RAPGEF1: variants seen among roughly 807,000 people sequenced by gnomAD.
RAPGEF1 encodes Rap guanine nucleotide exchange factor 1, also known as CRK SH3-binding GNRP.
Under a neutral mutation model 143.3 loss-of-function variants are expected in RAPGEF1, and 33 were observed. The observed-to-expected ratio is 0.23, with a 90% CI of 0.17 to 0.31. RAPGEF1 has a LOEUF of 0.31. RAPGEF1 is among the 10% of genes least tolerant of loss of function. RAPGEF1 has a pLI of 1.00. For missense variants in RAPGEF1, 1,199 were observed against 1,645.4 expected, an observed-to-expected ratio of 0.73 and a Z score of 4.69; for synonymous variants, 629 against 676.5, an observed-to-expected ratio of 0.93 and a Z score of 1.09.
intron 1 of RAPGEF1, among the ~76,000 whole-genome samples, chr9:131,729,860 C>A (rs1164193148): frequency 6.6e-6 from 1 of 152,182 alleles, no homozygotes; most frequent in Non-Finnish European, 1.5e-5. Flanking sequence ...CTGCCATCAT[C>A]CTCATCTGGG....
At chr9:131,581,734 G>T (rs1951893894) in intron 25 of RAPGEF1, among the ~76,000 whole-genome samples, 1 of 152,142 alleles carries the variant, frequency 6.6e-6, no homozygotes, top group Admixed American at 6.5e-5. Context: ...ACAAGGTGTA[G>T]TAACTTAATA....
At chr9:131,729,883 C>T (rs905375865) in intron 1 of RAPGEF1, among the ~76,000 whole-genome samples, 5 of 152,192 alleles carry the variant, frequency 3.3e-5, no homozygotes, top group Non-Finnish European at 7.3e-5. Context: ...AAATCTTGGG[C>T]AACTCCATAC....
Position 131,739,950 on chromosome 9 carries a change from T to A in RAPGEF1, c.-120A>T. The A allele has an allele frequency of 6.0e-6, 3 of 504,116 alleles. No homozygotes were observed. Among genetic ancestry groups the A allele is most frequent in the Non-Finnish European group, 7.6e-6 (3 of 394,812 alleles). The allele number at this position is 504,116 out of a possible 1,614,324, so 31.2% of individuals were successfully genotyped here. A position where few individuals can be genotyped will look rare whatever the true frequency, so the allele number is the denominator to read the frequency against. On this transcript the variant is annotated 5_prime_UTR_variant, in exon 1 of 27. Coordinates refer to ENST00000683357, the MANE Select transcript of RAPGEF1 (RefSeq NM_001377935.1). The stretch of plus-strand genomic sequence containing the variant: ...GGCGGGCTCCGCGCGGCCGCGGCCC[T>A]GCGCTCGGCGACCGCGCTCCAGCCC...
chr9:131,638,858 G>A, intron 4 of RAPGEF1, 67 bp from the exon 5 acceptor site: 1 of 1,480,482 alleles, frequency 6.8e-7, no homozygotes, highest in Admixed American at 2.0e-5. Context: ...CACAGAGCCA[G>A]CTTCTCGGTG....
chr9:131,616,975 G>C (rs1959105605), intron 12 of RAPGEF1, among the ~76,000 whole-genome samples: 1 of 152,118 alleles, frequency 6.6e-6, no homozygotes, highest in Non-Finnish European at 1.5e-5. Context: ...CCTTCCCTCA[G>C]GCTCCTTGGT....
At chr9:131,581,646 G>A (rs550401658) in intron 25 of RAPGEF1, among the ~76,000 whole-genome samples, 3 of 152,290 alleles carry the variant, frequency 2.0e-5, no homozygotes, top group Admixed American at 1.3e-4. Context: ...AGATTGCAGT[G>A]AGCCAAGATC....
chr9:131,730,734 T>TTAGAAAGGG (rs1234232807), intron 1 of RAPGEF1, among the ~76,000 whole-genome samples: 72 of 129,588 alleles, frequency 5.6e-4, no homozygotes, highest in African/African-American at 1.8e-3. Context: ...AGAACCAGCA[T>TTAGAAAGGG]TAGAAAGGGC....
chr9:131,586,259 C>CACACACAA (rs1952751687), intron 22 of RAPGEF1, among the ~76,000 whole-genome samples: 1 of 69,612 alleles, frequency 1.4e-5, no homozygotes, highest in Non-Finnish European at 3.8e-5. Flanking sequence ...CTGTCTCAAA[C>CACACACAA]ACACACACAC....
At chr9:131,699,036 C>T (rs1834421455) in intron 1 of RAPGEF1, among the ~76,000 whole-genome samples, 1 of 152,182 alleles carries the variant, frequency 6.6e-6, no homozygotes, top group African/African-American at 2.4e-5. Context: ...TCCATCTCTA[C>T]CAGGTCATTC....
rs1023743145 is a variant in RAPGEF1 at position 131,640,421 on chromosome 9, G to C, written c.495-1630C>G. Among the ~76,000 whole-genome samples the C allele has an allele frequency of 5.9e-5, 9 of 152,226 alleles. 1 individual carries two copies. Among genetic ancestry groups the C allele is most frequent in the African/African-American group, 1.9e-4 (8 of 41,460 alleles). ...CTGCATTGGATGCTAACGTTTCCCG[G>C]AAGGTGCTGGAATTATGTCCAGCCT... On this transcript the variant is annotated intron_variant, in intron 4 of 26. Coordinates refer to ENST00000683357, the MANE Select transcript of RAPGEF1 (RefSeq NM_001377935.1).
intron 12 of RAPGEF1, among the ~76,000 whole-genome samples, chr9:131,615,705 C>T (rs1481941041): frequency 6.6e-6 from 1 of 152,178 alleles, no homozygotes; most frequent in Non-Finnish European, 1.5e-5. Context: ...GGATGCTGGG[C>T]TTCCTGGCCT....
At chr9:131,645,652 T>C (rs1969370339) in intron 3 of RAPGEF1, among the ~76,000 whole-genome samples, 1 of 152,190 alleles carries the variant, frequency 6.6e-6, no homozygotes, top group African/African-American at 2.4e-5. Flanking sequence ...GCAGTGAGAG[T>C]TCACAGCCAC....
At chr9:131,713,151 C>T (rs1319966085) in intron 1 of RAPGEF1, among the ~76,000 whole-genome samples, 1 of 152,200 alleles carries the variant, frequency 6.6e-6, no homozygotes, top group African/African-American at 2.4e-5. Flanking sequence ...GACTGCACAG[C>T]CACTGTGATG....
chr9:131,604,383 G>C (rs1956767677), intron 13 of RAPGEF1, among the ~76,000 whole-genome samples: 3 of 152,216 alleles, frequency 2.0e-5, no homozygotes, highest in African/African-American at 7.2e-5. Context: ...TCCGCTGCCT[G>C]CACTTCCTCT....
In RAPGEF1 at chr9:131,608,948, G is replaced by A. The variant is rs181148089; in HGVS notation, c.2062-3760C>T. Among the ~76,000 whole-genome samples, 7 of 152,340 alleles carry A rather than the reference G, an allele frequency of 4.6e-5. No homozygotes were observed. In the East Asian group the frequency reaches 1.4e-3, roughly 29 times the overall value. ...TCATCACAGCCTGGAGTTTATTTTA[G>A]GATCTGGCTCGTGCCCGGGTTTGCT... is the stretch of plus-strand genomic sequence containing the variant. On this transcript the variant is annotated intron_variant, in intron 12 of 26. Coordinates refer to ENST00000683357, the MANE Select transcript of RAPGEF1 (RefSeq NM_001377935.1).
At chr9:131,672,524 C>G (rs13295485) in intron 1 of RAPGEF1, among the ~76,000 whole-genome samples, 32,853 of 152,042 alleles carry the variant, frequency 0.22, 4,174 homozygotes, top group Non-Finnish European at 0.29. Context: ...CAACAGGTGG[C>G]CCTGCAGTGC....
At chr9:131,589,100 G>A (rs1406461090) in intron 19 of RAPGEF1, 114 bp from the exon 20 acceptor site, 2 of 1,027,534 alleles carry the variant, frequency 1.9e-6, no homozygotes, top group Admixed American at 2.7e-5. Flanking sequence ...AGAGCTGGCT[G>A]GGAAATTTCT....
Position 131,630,221 on chromosome 9 carries a change from T to C in RAPGEF1, c.740+15A>G. ...GAGCGTGACACCCGCGACACGAGGG[T>C]TAGTCAGCACCTACCCATCAGGCTT... On this transcript the variant is annotated intron_variant, in intron 6 of 26. Coordinates refer to ENST00000683357, the MANE Select transcript of RAPGEF1 (RefSeq NM_001377935.1). The C allele has an allele frequency of 6.4e-7, 1 of 1,566,650 alleles. No homozygotes were observed. Among genetic ancestry groups the C allele is most frequent in the Non-Finnish European group, 8.7e-7 (1 of 1,149,368 alleles).
chr9:131,646,701 G>A (rs1195141139), intron 3 of RAPGEF1, among the ~76,000 whole-genome samples: 1 of 152,150 alleles, frequency 6.6e-6, no homozygotes, highest in Non-Finnish European at 1.5e-5. Flanking sequence ...CCACACTATA[G>A]GACAGTGTAC....
Sources: allele counts gnomAD v4.1 joint callset (sites outside exome capture counted in the v4.1 genomes callset), GRCh38; gene constraint gnomAD v4.1.1; transcripts MANE v1.5; gene names NCBI Gene and HGNC (gene_info 2026-07-23, HGNC 2026-07-21).